The following MARK3 variants were observed in gnomAD, a reference collection of about 807,000 sequenced individuals.
The protein encoded by MARK3 is microtubule affinity regulating kinase 3.
MARK3 carries 46 observed loss-of-function variants against 90.1 expected under a neutral mutation model. That is an observed-to-expected ratio of 0.51 (90% CI 0.40 to 0.65). The LOEUF is 0.65. Ranked by LOEUF, MARK3 falls within the 30% of genes least tolerant of loss-of-function variation. MARK3 has a pLI of 0.00. For synonymous variants in MARK3, 321 were observed against 332.6 expected (o/e 0.97, Z 0.38); for missense variants, 818 against 947.2 (o/e 0.86, Z 1.79).
rs375599947 is a variant in MARK3, at chr14:103,405,080, C to A, written c.56C>A (p.Thr19Lys). Residue 19 changes from threonine to lysine, a missense_variant, in exon 2 of 18, where the codon ACG becomes AAG. Physicochemically the swap from Thr to Lys is moderately conservative, Grantham distance 78. Coordinates refer to ENST00000429436, the MANE Select transcript of MARK3 (RefSeq NM_001128918.3). ...TTTGTGTATGCTGTATTGCAGCACA[C>A]GTCACATGGAGATGGGCGTCAAGAA... The part of the protein sequence containing the change: ...TVNERDTENH[T>K]SHGDGRQEVT... The A allele has an allele frequency of 2.5e-6, 4 of 1,613,414 alleles. No homozygotes were observed. The highest frequency in any genetic ancestry group is 3.4e-6 in the Non-Finnish European group (4 of 1,179,736).
In MARK3 at chr14:103,500,069, G is replaced by A. The variant is rs2075574094; in HGVS notation, c.1872-87G>A. ...TTGGCTTTGTTCATTTTATGGTGTT[G>A]GTGTTGGTATTGGTGGTCATGTACT... On this transcript the variant is annotated intron_variant, in intron 16 of 17. Coordinates refer to ENST00000429436, the MANE Select transcript of MARK3 (RefSeq NM_001128918.3). 3 of 972,862 alleles carry A rather than the reference G, an allele frequency of 3.1e-6. No individual in the cohort carries two copies. In the South Asian group the frequency reaches 4.2e-5, roughly 13 times the overall value. 60.3% of individuals were successfully genotyped at this position (972,862 alleles called of 1,614,324 possible).
rs759932678 is a variant in MARK3, at chr14:103,468,314, CTTTTTTTT to C, written c.1264+149_1264+156del. The C allele has an allele frequency of 8.2e-3, 951 of 116,048 alleles. 4 individuals are homozygous for C. The highest frequency in any genetic ancestry group is 0.049 in the African/African-American group (862 of 17,482). 7.2% of individuals were successfully genotyped at this position (116,048 alleles called of 1,614,324 possible). On this transcript the variant is annotated intron_variant, in intron 12 of 17. Coordinates refer to ENST00000429436, the MANE Select transcript of MARK3 (RefSeq NM_001128918.3). ...CTTGGCATTGCTTTCTTTCTTTCTTCTTTTTTTTTTTTTTTTTTTTTTTTTTTTGAGAC... is the reference window on the plus strand; with the variant it reads ...CTTGGCATTGCTTTCTTTCTTTCTTCTTTTTTTTTTTTTTTTTTTTGAGAC...
At chr14:103,459,521 A>T (rs757863484) in intron 6 of MARK3, among the ~76,000 whole-genome samples, 1 of 151,930 alleles carries the variant, frequency 6.6e-6, no homozygotes, top group South Asian at 2.1e-4. Flanking sequence ...CGTTTTTGAG[A>T]TGGAGTCTCC....
chr14:103,428,618 C>T (rs557146025), intron 3 of MARK3, among the ~76,000 whole-genome samples, 178 bp downstream of exon 3: 3 of 152,044 alleles, frequency 2.0e-5, no homozygotes, highest in Non-Finnish European at 2.9e-5. Flanking sequence ...TATCTTTGGT[C>T]GGAGATTATT....
intron 14 of MARK3, among the ~76,000 whole-genome samples, chr14:103,487,027 A>G (rs1314047226): frequency 1.3e-5 from 2 of 151,818 alleles, no homozygotes; most frequent in South Asian, 2.1e-4. Flanking sequence ...AACGATTCTT[A>G]TACCTCAGCC....
At chr14:103,472,307 T>C (rs1402522640) in intron 12 of MARK3, among the ~76,000 whole-genome samples, 1 of 151,980 alleles carries the variant, frequency 6.6e-6, no homozygotes, top group Non-Finnish European at 1.5e-5. Flanking sequence ...AAGGTGTTTC[T>C]GTCACCCCAA....
At chr14:103,472,840 A>C (rs1224517081) in intron 12 of MARK3, among the ~76,000 whole-genome samples, 1 of 151,880 alleles carries the variant, frequency 6.6e-6, no homozygotes, top group Non-Finnish European at 1.5e-5. Flanking sequence ...CCCCGTCTCT[A>C]CTAAAATTAC....
At chr14:103,386,299 C>CT in intron 1 of MARK3, 1 of 701,614 alleles carries the variant, frequency 1.4e-6, no homozygotes, top group Non-Finnish European at 2.6e-6. Context: ...ATTATGCCGG[C>CT]AGTCTAGTCG....
intron 12 of MARK3, among the ~76,000 whole-genome samples, chr14:103,470,385 A>G (rs1052956406): frequency 6.6e-6 from 1 of 150,732 alleles, no homozygotes; most frequent in African/African-American, 2.4e-5. Flanking sequence ...TTACTTGCCC[A>G]TAACTATAAA....
chr14:103,411,743 CT>C, intron 2 of MARK3, among the ~76,000 whole-genome samples: 1 of 152,050 alleles, frequency 6.6e-6, no homozygotes, highest in African/African-American at 2.4e-5. Flanking sequence ...CTGCCTCAGC[CT>C]CCTGAGTAAG....
chr14:103,425,959 C>G (rs751210272), intron 2 of MARK3, among the ~76,000 whole-genome samples: 33 of 152,160 alleles, frequency 2.2e-4, no homozygotes, highest in Non-Finnish European at 3.2e-4. Flanking sequence ...CCAAGTTAAG[C>G]AGGGTTTTTA....
intron 13 of MARK3, among the ~76,000 whole-genome samples, chr14:103,478,684 C>T (rs368476029): frequency 3.3e-5 from 5 of 152,068 alleles, no homozygotes; most frequent in South Asian, 2.1e-4. Context: ...GGATTACAGG[C>T]GTGCGCCACC....
intron 3 of MARK3, among the ~76,000 whole-genome samples, chr14:103,439,191 C>T (rs532568865): frequency 6.6e-6 from 1 of 152,178 alleles, no homozygotes; most frequent in South Asian, 2.1e-4. Context: ...CTTATACTAC[C>T]TGCTTCAAGA....
chr14:103,447,912 A>G (rs1292974497), intron 3 of MARK3, among the ~76,000 whole-genome samples: 1 of 152,072 alleles, frequency 6.6e-6, no homozygotes, highest in Non-Finnish European at 1.5e-5. Context: ...AGCTGGGACT[A>G]CAGACACATG....
At chr14:103,456,968 G>C (rs1387333271) in intron 5 of MARK3, among the ~76,000 whole-genome samples, 174 bp from the exon 6 acceptor site, 1 of 152,092 alleles carries the variant, frequency 6.6e-6, no homozygotes, top group African/African-American at 2.4e-5. Context: ...GATTTTGTTG[G>C]TGAATTTAAA....
At chr14:103,412,583 C>T in intron 2 of MARK3, 1 of 728,822 alleles carries the variant, frequency 1.4e-6, no homozygotes, top group Non-Finnish European at 2.3e-6. Flanking sequence ...ACACTTGGGA[C>T]AGGGAGTGGA....
At chr14:103,399,181 T>A (rs933344517) in intron 1 of MARK3, among the ~76,000 whole-genome samples, 4 of 152,236 alleles carry the variant, frequency 2.6e-5, no homozygotes, top group African/African-American at 2.4e-5. Context: ...AAAGATTTTT[T>A]AAATGTGTCT....
At chr14:103,442,401 C>A (rs2092881458) in intron 3 of MARK3, among the ~76,000 whole-genome samples, 1 of 151,792 alleles carries the variant, frequency 6.6e-6, no homozygotes, top group Non-Finnish European at 1.5e-5. Context: ...CTTCCATTAG[C>A]CCATAGTATA....
intron 3 of MARK3, among the ~76,000 whole-genome samples, chr14:103,439,816 C>T (rs560601130): frequency 1.8e-4 from 28 of 151,916 alleles, no homozygotes; most frequent in African/African-American, 3.4e-4. Context: ...GACGGAGTTT[C>T]GCTCTTGTTA....
Sources: gnomAD v4.1 joint callset for allele counts (sites outside exome capture counted in the v4.1 genomes callset) on GRCh38, gnomAD v4.1.1 for gene constraint, MANE v1.5 for transcripts, NCBI Gene and HGNC (gene_info 2026-07-23, HGNC 2026-07-21) for gene names.